MAEA: variants seen among roughly 807,000 people sequenced by gnomAD.
MAEA encodes E3 ubiquitin-protein transferase MAEA.
A neutral mutation model predicts 46.2 loss-of-function variants in MAEA; 22 were observed. That is an observed-to-expected ratio of 0.48 (90% CI 0.34 to 0.68). The LOEUF is 0.68. Among genes scored for constraint, MAEA ranks in the 30% least tolerant of loss-of-function variants. The pLI is 0.01. For missense variants in MAEA, 393 were observed against 558.1 expected, an observed-to-expected ratio of 0.70 and a Z score of 2.98; for synonymous variants, 246 against 222.6, an observed-to-expected ratio of 1.11 and a Z score of -0.94.
At chr4:1,315,106 A>G (rs1424281340) in intron 2 of MAEA, among the ~76,000 whole-genome samples, 2 of 152,218 alleles carry the variant, frequency 1.3e-5, no homozygotes, top group Admixed American at 6.5e-5. Context: ...AGGCATAGCA[A>G]ATTTGAAATT....
chr4:1,298,071 AGCATAG>A (rs1734941505), intron 1 of MAEA: 3 of 456,172 alleles, frequency 6.6e-6, no homozygotes, highest in Admixed American at 2.3e-5. Flanking sequence ...ACTGCCTGGC[AGCATAG>A]CCATGCTTCT....
intron 1 of MAEA, among the ~76,000 whole-genome samples, chr4:1,297,711 G>A (rs977652978): frequency 3.9e-5 from 6 of 152,160 alleles, no homozygotes; most frequent in African/African-American, 1.4e-4. Context: ...TCACACCCAC[G>A]AGTGCCTGGC....
rs1468055167 is a variant in MAEA at position 1,310,003 on chromosome 4, G to A, written c.70-1976G>A. 4.9e-6 allele frequency: 6 copies of A among 1,222,698 alleles called. No individual in the cohort carries two copies. In the African/African-American group the frequency reaches 6.1e-5, roughly 13 times the overall value. 75.7% of individuals were successfully genotyped at this position (1,222,698 alleles called of 1,614,324 possible). On this transcript the variant is annotated intron_variant, in intron 1 of 8. Coordinates refer to ENST00000303400, the MANE Select transcript of MAEA (RefSeq NM_001017405.3). ...GGCGGTCTGGAATGTGCTGGTGTGC[G>A]GATGCTGTGTGGGTTCCTCCGCGCG...
At position 1,324,592 on chromosome 4, in the gene MAEA, T is replaced by C. The variant is rs373999314; in HGVS notation, c.579+2089T>C. ...GTTGGATGAGTTGAGGTTGGATGAG[T>C]GTGCCTGGTGTTGGATGAGTTGAGA... On this transcript the variant is annotated intron_variant, in intron 4 of 8. Transcript: ENST00000303400. Among the ~76,000 whole-genome samples, 217 of 119,042 alleles carry C rather than the reference T, an allele frequency of 1.8e-3. 1 individual carries two copies. The Middle Eastern group carries it at 0.042, about 23-fold the overall frequency. 78.1% of individuals were successfully genotyped at this position (119,042 alleles called of 152,430 possible).
At chr4:1,315,276 C>T in intron 2 of MAEA, 121 bp from the exon 3 acceptor site, 4 of 928,988 alleles carry the variant, frequency 4.3e-6, no homozygotes, top group Admixed American at 5.0e-5. Context: ...GGTTTTTTTT[C>T]TGTCCCGTAA....
At chr4:1,298,985 G>A (rs944228542) in intron 1 of MAEA, among the ~76,000 whole-genome samples, 4 of 152,076 alleles carry the variant, frequency 2.6e-5, no homozygotes, top group African/African-American at 9.7e-5. Context: ...GGGCTCAGGT[G>A]ATCTTCCTGC....
intron 1 of MAEA, among the ~76,000 whole-genome samples, chr4:1,300,791 G>A (rs1176175944): frequency 1.3e-5 from 2 of 152,266 alleles, no homozygotes; most frequent in Admixed American, 6.5e-5. Context: ...GCTTTGTAGG[G>A]CGCAACATCA....
chr4:1,312,097 C>T lies in MAEA; in HGVS notation c.188C>T (p.Ala63Val), dbSNP rs1397553546. Residue 63 changes from alanine to valine, a missense_variant, in exon 2 of 9, where the codon GCC (alanine) becomes GTC (valine). Coordinates refer to ENST00000303400, the MANE Select transcript of MAEA (RefSeq NM_001017405.3). The part of the protein sequence containing the change: ...ELEKTLSGCP[A>V]VDSVVSLLDG... ...GAGAAGACGTTGAGCGGCTGCCCCG[C>T]CGTGGACTCCGTGGTCAGCCTGCTG... is the stretch of plus-strand genomic sequence containing the variant. The T allele has an allele frequency of 1.2e-6, 2 of 1,613,734 alleles. No individual in the cohort carries two copies. Among genetic ancestry groups the T allele is most frequent in the Non-Finnish European group, 1.7e-6 (2 of 1,180,060 alleles).
intron 4 of MAEA, 55 bp downstream of exon 4, chr4:1,322,558 C>T (rs1738264442): frequency 6.2e-7 from 1 of 1,600,982 alleles, no homozygotes; most frequent in African/African-American, 1.3e-5. Flanking sequence ...GCTGCGCCAC[C>T]TGCCCTGGAG....
intron 1 of MAEA, among the ~76,000 whole-genome samples, chr4:1,293,388 C>T (rs1734307255): frequency 6.6e-6 from 1 of 152,074 alleles, no homozygotes; most frequent in African/African-American, 2.4e-5. Context: ...GAGACCCTGT[C>T]TCAAATAATA....
At chr4:1,305,738 T>C (rs1006149242) in intron 1 of MAEA, among the ~76,000 whole-genome samples, 4 of 151,770 alleles carry the variant, frequency 2.6e-5, no homozygotes, top group African/African-American at 9.7e-5. Flanking sequence ...CACGCGTGTG[T>C]GGGAGTGTGC....
intron 3 of MAEA, among the ~76,000 whole-genome samples, chr4:1,319,086 C>A (rs182543018): frequency 3.9e-5 from 6 of 152,204 alleles, no homozygotes; most frequent in African/African-American, 1.4e-4. Context: ...ACGCAGGGCT[C>A]TCAACCCGTA....
chr4:1,298,271 C>T (rs530463351), intron 1 of MAEA, among the ~76,000 whole-genome samples: 62 of 152,260 alleles, frequency 4.1e-4, no homozygotes, highest in African/African-American at 1.4e-3. Context: ...CCGCCCAAGG[C>T]CAGCCTTTGT....
intron 6 of MAEA, among the ~76,000 whole-genome samples, chr4:1,333,341 C>CA (rs113840820): frequency 0.02 from 2,667 of 133,508 alleles, 37 homozygotes; most frequent in South Asian, 0.032. Flanking sequence ...ACCTTGTCTC[C>CA]AAAAAAAAAA....
chr4:1,339,195 C>A lies in MAEA; in HGVS notation c.*26C>A. ...GCCCCACGTCGTGAAGCGCACGCCT[C>A]GGGGACGGGCTGCAGTGGGCGGGGA... is the stretch of plus-strand genomic sequence containing the variant. On this transcript the variant is annotated 3_prime_UTR_variant, in exon 9 of 9. Transcript: ENST00000303400. The A allele has an allele frequency of 6.3e-7, 1 of 1,580,952 alleles. No homozygotes were observed. The highest frequency in any genetic ancestry group is 8.7e-7 in the Non-Finnish European group (1 of 1,150,116).
At chr4:1,299,690 C>G (rs900681404) in intron 1 of MAEA, 2 of 152,414 alleles carry the variant, frequency 1.3e-5, no homozygotes, top group Non-Finnish European at 2.9e-5. Context: ...TGGAGCGCTC[C>G]TTCCACAGAT....
At chr4:1,323,092 A>G (rs1275607396) in intron 4 of MAEA, among the ~76,000 whole-genome samples, 1 of 151,582 alleles carries the variant, frequency 6.6e-6, no homozygotes, top group Non-Finnish European at 1.5e-5. Context: ...GATTATAGGC[A>G]TGCGCCACCA....
At chr4:1,312,263 G>A in intron 2 of MAEA, 102 bp downstream of exon 2, 1 of 1,440,606 alleles carries the variant, frequency 6.9e-7, no homozygotes, top group Non-Finnish European at 9.4e-7. Flanking sequence ...TGGGAACGCG[G>A]GAGGTGCGGT....
chr4:1,330,021 T>G (rs1242679703), intron 5 of MAEA: 5 of 985,210 alleles, frequency 5.1e-6, no homozygotes, highest in Non-Finnish European at 6.0e-6. Flanking sequence ...CTGCTGTCTG[T>G]GGAGCCAGCG....
Sources: allele counts gnomAD v4.1 joint callset (sites outside exome capture counted in the v4.1 genomes callset), GRCh38; gene constraint gnomAD v4.1.1; transcripts MANE v1.5; gene names NCBI Gene and HGNC (gene_info 2026-07-23, HGNC 2026-07-21).